The following PAK4 variants were observed in gnomAD, a reference collection of about 807,000 sequenced individuals.
PAK4 encodes the protein serine/threonine-protein kinase PAK 4.
PAK4 carries 49 observed loss-of-function variants against 53.5 expected under a neutral mutation model. The ratio of observed to expected loss-of-function variants is 0.92; its 90% CI spans 0.73 to 1.16. PAK4 has a LOEUF of 1.16. Ranked by LOEUF, PAK4 falls within the 50% of genes most tolerant of loss-of-function variation. The pLI is 0.00. For synonymous variants in PAK4, 376 were observed against 375.6 expected (o/e 1.00, Z -0.01); for missense variants, 824 against 850.7 (o/e 0.97, Z 0.39).
rs1228028434 is a variant in PAK4, at chr19:39,178,494, C to A, written c.1691C>A (p.Ala564Asp). 1.9e-6 allele frequency: 3 copies of A among 1,612,170 alleles called. No homozygotes were observed. The Admixed American group carries it at 5.0e-5, about 27-fold the overall frequency. Residue 564 changes from alanine (A) to aspartate (D), a missense_variant, in exon 9 of 9, where the codon GCC becomes GAC. This residue lies in a region of PAK4 where 346 missense variants were observed against 415.0 expected (regional missense o/e 0.83). Coordinates refer to ENST00000358301, the Ensembl canonical transcript of PAK4. The surrounding 1 kb of genome is among the most constrained non-coding windows in gnomAD (Gnocchi z 4.4). Reference sequence around the variant, plus strand: ...GACCCTGCCCAGCGGGCCACGGCAGCCGAGCTGCTGAAGCACCCATTCCTG... The same window carrying A: ...GACCCTGCCCAGCGGGCCACGGCAGACGAGCTGCTGAAGCACCCATTCCTG...
rs1296198820 is a variant in PAK4, at chr19:39,161,354, G to A, written c.-22-8178G>A. 6.6e-6 allele frequency among the ~76,000 whole-genome samples: 1 copy of A among 152,308 alleles called. No homozygotes were observed. The highest frequency in any genetic ancestry group is 6.5e-5 in the Admixed American group (1 of 15,304). On this transcript the variant is annotated intron_variant, in intron 1 of 8. Coordinates refer to ENST00000358301, the Ensembl canonical transcript of PAK4. This position sits in a 1 kb window ranked among gnomAD's most constrained non-coding sequence, Gnocchi z 4.5. ...ACCTAGGCTGACTGCGCCAGGCTCC[G>A]CGCCAGGTGCTGGGGGTGCCACATG...
chr19:39,171,794 G>T (rs2074485877), intron 2 of PAK4, among the ~76,000 whole-genome samples: 1 of 152,248 alleles, frequency 6.6e-6, no homozygotes, highest in South Asian at 2.1e-4. Context: ...GTCCTTGTCA[G>T]CAGGGCCCAC....
intron 1 of PAK4, among the ~76,000 whole-genome samples, chr19:39,136,897 T>A (rs115182230): frequency 0.014 from 2,113 of 152,230 alleles, 48 homozygotes; most frequent in African/African-American, 0.047. Flanking sequence ...TGGCCTCGAC[T>A]AAGGGAGGAG....
At chr19:39,138,499 C>G (rs915784578) in intron 1 of PAK4, among the ~76,000 whole-genome samples, 1 of 152,242 alleles carries the variant, frequency 6.6e-6, no homozygotes, top group East Asian at 1.9e-4. Context: ...TTTATGTCTT[C>G]TCGTTCATAC....
chr19:39,134,094 G>C (rs2073765849), intron 1 of PAK4, among the ~76,000 whole-genome samples: 2 of 152,160 alleles, frequency 1.3e-5, no homozygotes, highest in African/African-American at 4.8e-5. Context: ...CCATAGTTCT[G>C]TCGTCCCTTC....
rs900318616 is a variant in PAK4 at position 39,137,359 on chromosome 19, G to A, written c.-23+11440G>A. 8.5e-5 allele frequency among the ~76,000 whole-genome samples: 13 copies of A among 152,142 alleles called. No homozygotes were observed. The South Asian group carries it at 1.2e-3, about 15-fold the overall frequency. On this transcript the variant is annotated intron_variant, in intron 1 of 8. Coordinates refer to ENST00000358301, the Ensembl canonical transcript of PAK4. Reference sequence around the variant, plus strand: ...TATTCTAGATCCGGGAAGCTCTTCAGGGTGATGAATAGGAAAGACGAATGG... The same window carrying A: ...TATTCTAGATCCGGGAAGCTCTTCAAGGTGATGAATAGGAAAGACGAATGG...
exon 7 of PAK4, chr19:39,176,607 T>C (rs772487274): frequency 1.2e-6 from 2 of 1,613,864 alleles, no homozygotes; most frequent in Middle Eastern, 1.6e-4. Context: ...TGTCAGACTT[T>C]GGGTTCTGCG....
intron 1 of PAK4, among the ~76,000 whole-genome samples, chr19:39,142,564 C>T (rs1178074679): frequency 6.6e-6 from 1 of 152,150 alleles, no homozygotes; most frequent in Non-Finnish European, 1.5e-5. Flanking sequence ...CCCTTCCCCA[C>T]CCCCCGGGGC....
chr19:39,153,468 G>C (rs183156313), intron 1 of PAK4, among the ~76,000 whole-genome samples: 120 of 152,232 alleles, frequency 7.9e-4, no homozygotes, highest in African/African-American at 2.8e-3. Flanking sequence ...TTGAAACAGA[G>C]TCTCACTCTG....
intron 1 of PAK4, among the ~76,000 whole-genome samples, chr19:39,134,264 G>T (rs191159498): frequency 5.7e-4 from 87 of 152,330 alleles, no homozygotes; most frequent in Middle Eastern, 3.4e-3. Context: ...GGTAAGTTTA[G>T]CAAAGAATTA....
At chr19:39,132,080 G>T (rs1382257900) in intron 1 of PAK4, among the ~76,000 whole-genome samples, 1 of 152,124 alleles carries the variant, frequency 6.6e-6, no homozygotes, top group South Asian at 2.1e-4. Flanking sequence ...CCAGCCCCCC[G>T]CCCGGGGTCC....
At chr19:39,167,337 C>T (rs567960715) in intron 1 of PAK4, among the ~76,000 whole-genome samples, 1 of 152,250 alleles carries the variant, frequency 6.6e-6, no homozygotes, top group African/African-American at 2.4e-5. Flanking sequence ...GGACATGGGA[C>T]GCAGATCTGG....
chr19:39,144,264 G>A (rs142092197), intron 1 of PAK4, among the ~76,000 whole-genome samples: 8 of 152,174 alleles, frequency 5.3e-5, no homozygotes, highest in African/African-American at 9.7e-5. Flanking sequence ...TACACTCGCC[G>A]TGTGACTGAG....
chr19:39,177,582 C>T, intron 7 of PAK4, 93 bp from the exon 9 acceptor site: 2 of 1,368,452 alleles, frequency 1.5e-6, no homozygotes, highest in African/African-American at 1.5e-5. Flanking sequence ...GAGCCAGAGG[C>T]AGAGACAGCG....
chr19:39,181,983 C>A (rs2074704564), downstream of PAK4: 1 of 152,214 alleles, frequency 6.6e-6, no homozygotes, highest in African/African-American at 2.4e-5. Context: ...TCCCTGTGTG[C>A]CACCCCAGCT....
intron 1 of PAK4, among the ~76,000 whole-genome samples, chr19:39,145,287 C>G (rs1339587402): frequency 6.6e-6 from 1 of 152,196 alleles, no homozygotes; most frequent in Non-Finnish European, 1.5e-5. Flanking sequence ...CTTCCCTAAA[C>G]AGTGTCCCGC....
intron 1 of PAK4, among the ~76,000 whole-genome samples, chr19:39,158,508 G>A (rs528675252): frequency 7.2e-5 from 11 of 152,306 alleles, no homozygotes; most frequent in South Asian, 4.1e-4. Context: ...TTCCCAGGCC[G>A]TATGGGCTCC....
chr19:39,147,090 C>T (rs1201443992), intron 1 of PAK4, among the ~76,000 whole-genome samples: 2 of 28,878 alleles, frequency 6.9e-5, no homozygotes, highest in South Asian at 1.5e-3. Flanking sequence ...TGTCAATTGT[C>T]AATGACAATG....
intron 1 of PAK4, among the ~76,000 whole-genome samples, chr19:39,145,710 A>C (rs1309078480): frequency 6.6e-6 from 1 of 152,126 alleles, no homozygotes; most frequent in Admixed American, 6.5e-5. Flanking sequence ...TGCACCACGG[A>C]GGGGCCTTCT....
Sources: allele counts gnomAD v4.1 joint callset (sites outside exome capture counted in the v4.1 genomes callset), GRCh38; gene constraint gnomAD v4.1.1; regional missense constraint gnomAD v4.1.1; non-coding constraint Gnocchi (gnomAD v3.1); transcripts MANE v1.5; gene names NCBI Gene and HGNC (gene_info 2026-07-23, HGNC 2026-07-21).